The following CDC42BPA variants were observed in gnomAD, a reference collection of about 807,000 sequenced individuals.
The protein encoded by CDC42BPA is CDC42 binding protein kinase alpha.
Under a neutral mutation model 223.5 loss-of-function variants are expected in CDC42BPA, and 80 were observed. The observed-to-expected ratio is 0.36, with a 90% CI of 0.30 to 0.43. CDC42BPA has a LOEUF of 0.43. CDC42BPA is among the 20% of genes least tolerant of loss of function. The pLI is 1.00. For synonymous variants in CDC42BPA, 694 were observed against 718.6 expected (o/e 0.97, Z 0.55); for missense variants, 1,743 against 2,099.9 (o/e 0.83, Z 3.32).
chr1:227,160,706 T>A, intron 5 of CDC42BPA, 70 bp from the exon 6 acceptor site: 1 of 864,818 alleles, frequency 1.2e-6, no homozygotes, highest in Non-Finnish European at 1.8e-6. Context: ...GATATTCTTT[T>A]TGTCAGAAAA....
At chr1:227,302,189 T>C (rs773620050) in intron 1 of CDC42BPA, among the ~76,000 whole-genome samples, 4 of 152,200 alleles carry the variant, frequency 2.6e-5, no homozygotes, top group Admixed American at 6.5e-5. Flanking sequence ...TGTTACTTCC[T>C]CATCTTCATT....
chr1:227,183,336 A>G (rs1668257868), intron 5 of CDC42BPA: 1 of 152,008 alleles, frequency 6.6e-6, no homozygotes, highest in Admixed American at 6.6e-5. Context: ...TTGTATTTCT[A>G]CTTACTCCCC....
At chr1:227,245,758 G>A (rs1680835365) in intron 2 of CDC42BPA, among the ~76,000 whole-genome samples, 1 of 152,174 alleles carries the variant, frequency 6.6e-6, no homozygotes, top group South Asian at 2.1e-4. Context: ...AGTCCTGGCA[G>A]GACTCATCAC....
At chr1:227,308,179 C>T (rs1321911666) in intron 1 of CDC42BPA, among the ~76,000 whole-genome samples, 1 of 152,082 alleles carries the variant, frequency 6.6e-6, no homozygotes, top group Non-Finnish European at 1.5e-5. Flanking sequence ...CAATAAATGG[C>T]ATTTTAATTA....
intron 10 of CDC42BPA, among the ~76,000 whole-genome samples, chr1:227,133,402 G>A (rs931121711): frequency 2.0e-5 from 3 of 151,592 alleles, no homozygotes; most frequent in African/African-American, 4.8e-5. Context: ...GCTTCTGCCC[G>A]GCCGCCCCTA....
At chr1:227,129,344 T>A (rs1267414536) in intron 10 of CDC42BPA, 113 bp from the exon 11 acceptor site, 1 of 780,558 alleles carries the variant, frequency 1.3e-6, no homozygotes, top group East Asian at 2.9e-5. Flanking sequence ...GAACAAAACA[T>A]CTACTCACTG....
In CDC42BPA at chr1:227,002,491, T is replaced by C. The variant is rs12567972; in HGVS notation, c.4975+2503A>G. Reference sequence around the variant, plus strand: ...TCCTTGAAAGCATGCTCTATGTCTGTAGCCAGGCTCCAAGATGATCGTCCC... The same window carrying C: ...TCCTTGAAAGCATGCTCTATGTCTGCAGCCAGGCTCCAAGATGATCGTCCC... On this transcript the variant is annotated intron_variant, in intron 35 of 36. Transcript: ENST00000366766. 2.6e-3 allele frequency among the ~76,000 whole-genome samples: 393 copies of C among 152,356 alleles called. 9 individuals are homozygous for C. In the East Asian group the frequency reaches 0.048, roughly 19 times the overall value.
intron 6 of CDC42BPA, among the ~76,000 whole-genome samples, chr1:227,148,539 C>A (rs1187569270): frequency 6.6e-6 from 1 of 151,694 alleles, no homozygotes; most frequent in Admixed American, 6.6e-5. Context: ...AAAACCCTTC[C>A]ATTACAAACT....
At chr1:227,010,878 C>A in intron 34 of CDC42BPA, 1 of 1,359,014 alleles carries the variant, frequency 7.4e-7, no homozygotes, top group East Asian at 4.6e-5. Context: ...CTGTTCATAC[C>A]CTCAGAGTCA....
chr1:227,268,207 T>C (rs998264904), intron 1 of CDC42BPA, among the ~76,000 whole-genome samples: 12 of 152,180 alleles, frequency 7.9e-5, no homozygotes, highest in African/African-American at 2.9e-4. Flanking sequence ...GGTGTTTTTA[T>C]TGGAATAAAG....
chr1:227,271,967 A>C (rs1416638427), intron 1 of CDC42BPA, among the ~76,000 whole-genome samples: 1 of 152,212 alleles, frequency 6.6e-6, no homozygotes, highest in Non-Finnish European at 1.5e-5. Context: ...AAATAAATAT[A>C]GGTACTAAGT....
intron 2 of CDC42BPA, among the ~76,000 whole-genome samples, chr1:227,240,542 G>A (rs897761852): frequency 6.6e-6 from 1 of 152,032 alleles, no homozygotes; most frequent in African/African-American, 2.4e-5. Context: ...AATCAAGACT[G>A]TGGTATTAGC....
At chr1:227,276,584 A>G (rs1687097685) in intron 1 of CDC42BPA, among the ~76,000 whole-genome samples, 1 of 152,216 alleles carries the variant, frequency 6.6e-6, no homozygotes, top group South Asian at 2.1e-4. Flanking sequence ...TGTGCCCAAC[A>G]GCTCCTTGAG....
At chr1:227,065,143 T>A (rs934591666) in intron 21 of CDC42BPA, among the ~76,000 whole-genome samples, 1 of 145,334 alleles carries the variant, frequency 6.9e-6, no homozygotes, top group Non-Finnish European at 1.5e-5. Context: ...AACCCTTCTT[T>A]ATCTGTCCTA....
chr1:227,275,117 T>G (rs898122190), intron 1 of CDC42BPA, among the ~76,000 whole-genome samples: 1 of 152,082 alleles, frequency 6.6e-6, no homozygotes, highest in Non-Finnish European at 1.5e-5. Context: ...TACAGAACAT[T>G]TTTAAATCTT....
chr1:227,222,525 A>AC (rs1676123089), intron 2 of CDC42BPA, among the ~76,000 whole-genome samples: 1 of 151,934 alleles, frequency 6.6e-6, no homozygotes, highest in Admixed American at 6.6e-5. Flanking sequence ...ACAACAAAAA[A>AC]ACTATCAGAT....
chr1:227,086,686 C>CT (rs58206079), intron 16 of CDC42BPA, among the ~76,000 whole-genome samples: 162 of 142,494 alleles, frequency 1.1e-3, no homozygotes, highest in East Asian at 6.1e-3. Context: ...TTTTTTTTTC[C>CT]TTTTTTTTTT....
chr1:227,181,898 T>A (rs1479907420), intron 5 of CDC42BPA, among the ~76,000 whole-genome samples: 6 of 152,142 alleles, frequency 3.9e-5, no homozygotes, highest in Non-Finnish European at 7.4e-5. Flanking sequence ...AAGCAGGCAA[T>A]ACCCTACAGC....
intron 17 of CDC42BPA, among the ~76,000 whole-genome samples, chr1:227,079,974 G>A (rs1427902921): frequency 6.6e-6 from 1 of 151,508 alleles, no homozygotes; most frequent in African/African-American, 2.4e-5. Context: ...AACATAGCCT[G>A]AAGGTTAACT....
Sources: gnomAD v4.1 joint callset for allele counts (sites outside exome capture counted in the v4.1 genomes callset) on GRCh38, gnomAD v4.1.1 for gene constraint, MANE v1.5 for transcripts, NCBI Gene and HGNC (gene_info 2026-07-23, HGNC 2026-07-21) for gene names.